Variants in FAM168B observed in about 807,000 individuals in gnomAD.
FAM168B encodes family with sequence similarity 168 member B, also known as myelin-associated neurite-outgrowth inhibitor.
A neutral mutation model predicts 21.8 loss-of-function variants in FAM168B; 19 were observed. That is an observed-to-expected ratio of 0.87 (90% CI 0.61 to 1.28). The LOEUF (loss-of-function observed/expected upper bound fraction) is 1.28, where lower values mean the gene tolerates loss of function less well. Among genes scored for constraint, FAM168B ranks in the 50% most tolerant of loss-of-function variants. The probability of loss-of-function intolerance (pLI) is 0.00; values close to 1 mark genes in which losing one functional copy is unlikely to be tolerated. For synonymous variants in FAM168B, 126 were observed against 104.8 expected (o/e 1.20, Z -1.24); for missense variants, 233 against 263.1 (o/e 0.89, Z 0.79).
intron 2 of FAM168B, among the ~76,000 whole-genome samples, chr2:131,078,872 G>C (rs571932720): frequency 6.6e-6 from 1 of 152,028 alleles, no homozygotes; most frequent in Admixed American, 6.6e-5. Flanking sequence ...TGTAGTCCCA[G>C]CTACTTGGGA....
In FAM168B at chr2:131,049,709, T is replaced by C. The variant is rs1691532230; in HGVS notation, c.*2756A>G. 1 of 985,750 alleles carries C rather than the reference T, an allele frequency of 1.0e-6. No homozygotes were observed. Among genetic ancestry groups the C allele is most frequent in the East Asian group, 1.1e-4 (1 of 8,824 alleles). The allele number at this position is 985,750 out of a possible 1,614,324, so 61.1% of individuals were successfully genotyped here. The stretch of plus-strand genomic sequence containing the variant: ...AACTAGGTCCTTTGCTTACCTGCTG[T>C]CTCAACTTCTAAAAGAATAGTAATT... On this transcript the variant is annotated 3_prime_UTR_variant, in exon 7 of 7. Coordinates refer to ENST00000389915, the MANE Select transcript of FAM168B (RefSeq NM_001009993.4).
chr2:131,060,229 T>C (rs538238148), intron 3 of FAM168B, among the ~76,000 whole-genome samples: 2 of 152,296 alleles, frequency 1.3e-5, no homozygotes, highest in South Asian at 2.1e-4. Context: ...TTTCACCATA[T>C]TGGCCAGGCT....
At chr2:131,090,055 C>G in intron 1 of FAM168B, among the ~76,000 whole-genome samples, 1 of 147,290 alleles carries the variant, frequency 6.8e-6, no homozygotes. Flanking sequence ...CGCAGTGGCT[C>G]ACGCCTGTAA....
At chr2:131,062,086 T>C (rs1303656167) in intron 3 of FAM168B, among the ~76,000 whole-genome samples, 1 of 152,192 alleles carries the variant, frequency 6.6e-6, no homozygotes, top group Non-Finnish European at 1.5e-5. Flanking sequence ...CCCACATCCA[T>C]CAACATTGCT....
At position 131,055,628 on chromosome 2, in the gene FAM168B, G is replaced by T. The variant is rs145577811; in HGVS notation, c.222C>A (p.Ser74=). ...CAGTCTGGTAGGGGTTCGGGGAGGAGGAGTACGGTGGCACAGCCCCGCTGG... is the reference window on the plus strand; with the variant it reads ...CAGTCTGGTAGGGGTTCGGGGAGGATGAGTACGGTGGCACAGCCCCGCTGG... ...SPTSGAVPPY[S]SSPNPYQTAV... Residue 74 remains serine, a synonymous_variant, in exon 4 of 7, where the codon TCC becomes TCA. Transcript: ENST00000389915. The T allele has an allele frequency of 9.9e-6, 16 of 1,612,766 alleles. No individual in the cohort carries two copies. The highest frequency in any genetic ancestry group is 1.6e-4 in the Middle Eastern group (1 of 6,070).
rs907438093 is a variant in FAM168B, at chr2:131,049,633, G to A, written c.*2832C>T. 3.2e-5 allele frequency: 32 copies of A among 985,502 alleles called. No homozygotes were observed. Among genetic ancestry groups the A allele is most frequent in the South Asian group, 4.7e-5 (1 of 21,290 alleles). The allele number at this position is 985,502 out of a possible 1,614,324, so 61.0% of individuals were successfully genotyped here. A position where few individuals can be genotyped will look rare whatever the true frequency, so the allele number is the denominator to read the frequency against. On this transcript the variant is annotated 3_prime_UTR_variant, in exon 7 of 7. Transcript: ENST00000389915. Reference sequence around the variant, plus strand: ...CACTCCCCAAGCCTCAGGGGAGAAGGTGTAGAACAAATATTTTTTAAATAG... The same window carrying A: ...CACTCCCCAAGCCTCAGGGGAGAAGATGTAGAACAAATATTTTTTAAATAG...
chr2:131,056,007 G>T (rs1692003532), intron 3 of FAM168B, among the ~76,000 whole-genome samples: 1 of 152,170 alleles, frequency 6.6e-6, no homozygotes, highest in African/African-American at 2.4e-5. Flanking sequence ...ATTTAAATTG[G>T]TATGGCATTC....
chr2:131,049,731 A>G lies in FAM168B; in HGVS notation c.*2734T>C. 1.0e-6 allele frequency: 1 copy of G among 985,902 alleles called. No individual in the cohort carries two copies. The highest frequency in any genetic ancestry group is 1.2e-6 in the Non-Finnish European group (1 of 829,944). 61.1% of individuals were successfully genotyped at this position (985,902 alleles called of 1,614,324 possible). A position where few individuals can be genotyped will look rare whatever the true frequency, so the allele number is the denominator to read the frequency against. ...CTGTCTCAACTTCTAAAAGAATAGT[A>G]ATTCAGCTGAAGGACTCCCAAATTA... On this transcript the variant is annotated 3_prime_UTR_variant, in exon 7 of 7. Coordinates refer to ENST00000389915, the MANE Select transcript of FAM168B (RefSeq NM_001009993.4).
In FAM168B at chr2:131,051,505, A is replaced by AT; in HGVS notation, c.*959dup. ...CAGGAAAAAAAAAAAAAAAGGAATG[A>AT]TTTTCTAAGCTAAATAAAGCAGAGG... On this transcript the variant is annotated 3_prime_UTR_variant, in exon 7 of 7. Coordinates refer to ENST00000389915, the MANE Select transcript of FAM168B (RefSeq NM_001009993.4). The AT allele has an allele frequency of 1.0e-6, 1 of 983,420 alleles. No individual in the cohort carries two copies. The highest frequency in any genetic ancestry group is 1.2e-6 in the Non-Finnish European group (1 of 829,038). 60.9% of individuals were successfully genotyped at this position (983,420 alleles called of 1,614,324 possible). A position where few individuals can be genotyped will look rare whatever the true frequency, so the allele number is the denominator to read the frequency against.
chr2:131,073,923 C>T (rs987912999), intron 2 of FAM168B, among the ~76,000 whole-genome samples: 2 of 152,172 alleles, frequency 1.3e-5, no homozygotes, highest in African/African-American at 4.8e-5. Flanking sequence ...AAGACTAAAC[C>T]ATGACCTAGT....
chr2:131,090,316 T>C (rs914810303), intron 1 of FAM168B, among the ~76,000 whole-genome samples: 3 of 123,996 alleles, frequency 2.4e-5, no homozygotes, highest in Admixed American at 7.9e-5. Flanking sequence ...GAGACTCTTG[T>C]CTCAAAAAAA....
intron 1 of FAM168B, among the ~76,000 whole-genome samples, chr2:131,085,344 A>G (rs185878810): frequency 4.3e-4 from 66 of 152,298 alleles, no homozygotes; most frequent in South Asian, 4.1e-4. Flanking sequence ...TCTTCCCCAC[A>G]TCCCCATTTA....
chr2:131,072,677 T>C (rs956126094), intron 2 of FAM168B, among the ~76,000 whole-genome samples: 1 of 151,908 alleles, frequency 6.6e-6, no homozygotes, highest in African/African-American at 2.4e-5. Context: ...CAGGCTGGTC[T>C]CGAACTCCTG....
At position 131,071,948 on chromosome 2, in the gene FAM168B, A is replaced by G. The variant is rs750671574; in HGVS notation, c.71-10T>C. The G allele has an allele frequency of 1.2e-6, 2 of 1,612,406 alleles. No individual in the cohort carries two copies. Among genetic ancestry groups the G allele is most frequent in the Non-Finnish European group, 1.7e-6 (2 of 1,178,878 alleles). ...CCCATGGGAAAACCAGCTGAAGAAAAATAAAGAACAATCTCATGTCATCAA... is the reference window on the plus strand; with the variant it reads ...CCCATGGGAAAACCAGCTGAAGAAAGATAAAGAACAATCTCATGTCATCAA... On this transcript the variant is annotated splice_polypyrimidine_tract_variant and intron_variant, in intron 2 of 6. Transcript: ENST00000389915.
At chr2:131,090,918 G>A (rs1040962308) in intron 1 of FAM168B, among the ~76,000 whole-genome samples, 3 of 152,288 alleles carry the variant, frequency 2.0e-5, no homozygotes, top group South Asian at 4.1e-4. Flanking sequence ...TTTTAGTAGA[G>A]ATGGGGTTTC....
At chr2:131,068,058 G>C (rs1692667073) in intron 3 of FAM168B, among the ~76,000 whole-genome samples, 1 of 152,184 alleles carries the variant, frequency 6.6e-6, no homozygotes, top group East Asian at 1.9e-4. Context: ...AAACACCCAA[G>C]ACATGAAAAC....
In FAM168B at chr2:131,055,648, C is replaced by G; in HGVS notation, c.202G>C (p.Gly68Arg). ...PYKVSCSPTS[G>R]AVPPYSSSPN... ...GAGGAGGAGTACGGTGGCACAGCCC[C>G]GCTGGTGGGGGAACAGGACACTTTG... The change falls in exon 4 of 7, where the codon GGG becomes CGG. Residue 68 changes from glycine to arginine, a missense_variant. Coordinates refer to ENST00000389915, the MANE Select transcript of FAM168B (RefSeq NM_001009993.4). 2 of 1,613,328 alleles carry G rather than the reference C, an allele frequency of 1.2e-6. No individual in the cohort carries two copies. Among genetic ancestry groups the G allele is most frequent in the Non-Finnish European group, 1.7e-6 (2 of 1,179,658 alleles).
At chr2:131,082,714 G>T in intron 1 of FAM168B, 57 bp from the exon 2 acceptor site, 2 of 1,140,866 alleles carry the variant, frequency 1.8e-6, no homozygotes, top group Non-Finnish European at 2.5e-6. Flanking sequence ...TTTTTCTCCA[G>T]TACCAGTCCC....
intron 2 of FAM168B, 138 bp downstream of exon 2, chr2:131,082,439 G>A: frequency 3.2e-6 from 2 of 621,770 alleles, no homozygotes; most frequent in Non-Finnish European, 5.6e-6. Flanking sequence ...CCTATCATTT[G>A]ATTTTTCACT....
Sources: allele counts gnomAD v4.1 joint callset (sites outside exome capture counted in the v4.1 genomes callset), GRCh38; gene constraint gnomAD v4.1.1; transcripts MANE v1.5; gene names NCBI Gene and HGNC (gene_info 2026-07-23, HGNC 2026-07-21).